Variants in GPRIN1 observed in about 807,000 individuals in gnomAD.
GPRIN1 encodes the protein G protein-regulated inducer of neurite outgrowth 1.
Under a neutral mutation model 2.8 loss-of-function variants are expected in GPRIN1, and 4 were observed. The observed-to-expected ratio is 1.45, with a 90% CI of 0.71 to 3.32. The LOEUF (loss-of-function observed/expected upper bound fraction) is 3.32, where lower values mean the gene tolerates loss of function less well. Among genes scored for constraint, GPRIN1 ranks in the 30% most tolerant of loss-of-function variants. The probability of loss-of-function intolerance (pLI) is 0.01; values close to 1 mark genes in which losing one functional copy is unlikely to be tolerated. For synonymous variants in GPRIN1, 589 were observed against 589.9 expected, an observed-to-expected ratio of 1.00 and a Z score of 0.02; for missense variants, 1,322 against 1,343.4, an observed-to-expected ratio of 0.98 and a Z score of 0.25.
In GPRIN1 at chr5:176,602,130, C is replaced by T. The variant is rs34103857; in HGVS notation, c.-43-2253G>A. 0.29 allele frequency among the ~76,000 whole-genome samples: 44,282 copies of T among 152,086 alleles called. 6,569 individuals are homozygous for T. The highest frequency in any genetic ancestry group is 0.35 in the African/African-American group (14,616 of 41,466). ...GCCACGCGGGGTGCCTCGCTGTGCG[C>T]CTTGCTGTGCCTTGAACACGCCTGC... On this transcript the variant is annotated intron_variant, in intron 1 of 1. Transcript: ENST00000303991. This position sits in a 1 kb window ranked among gnomAD's most constrained non-coding sequence, Gnocchi z 4.4.
Position 176,599,812 on chromosome 5 carries a change from G to T in GPRIN1, c.23C>A (p.Ala8Asp), listed in dbSNP as rs780338746. ...ATCCTTTTGAAGCAGCTGGAGCCAG[G>T]CCGGGTCTTCAGCAGTGTCCATCTG... MDTAEDP[A>D]WLQLLQKDSS... Residue 8 changes from alanine to aspartate, a missense_variant, in exon 2 of 2, where the codon GCC (alanine) becomes GAC (aspartate). This residue lies in a region of GPRIN1 where 1,117 missense variants were observed against 1,128.6 expected (regional missense o/e 0.99). Transcript: ENST00000303991. The T allele has an allele frequency of 2.0e-6, 3 of 1,494,016 alleles. No individual in the cohort carries two copies. The highest frequency in any genetic ancestry group is 1.4e-5 in the South Asian group (1 of 70,498). The allele number at this position is 1,494,016 out of a possible 1,614,324, so 92.5% of individuals were successfully genotyped here.
chr5:176,607,780 C>G (rs1287955360), intron 1 of GPRIN1, among the ~76,000 whole-genome samples: 1 of 150,914 alleles, frequency 6.6e-6, no homozygotes, highest in Non-Finnish European at 1.5e-5. Flanking sequence ...ACAACTGGGG[C>G]ACACAACTTG....
intron 1 of GPRIN1, 37 bp downstream of exon 1, chr5:176,609,962 C>G (rs1759288643): frequency 1.3e-5 from 2 of 151,842 alleles, no homozygotes; most frequent in Non-Finnish European, 3.0e-5. Flanking sequence ...TGCCGCCGCC[C>G]GCCCGGAAAG....
At position 176,596,908 on chromosome 5, in the gene GPRIN1, G is replaced by T. The variant is rs553665572; in HGVS notation, c.2927C>A (p.Pro976Gln). ...GGGCGGACGCTTGGCGGCGCCATCT[G>T]GGGGCGCGGTGCGCACCGAGCCCGA... ...GRSGSVRTAP[P>Q]DGAAKRPPGL... The change falls in exon 2 of 2, where the codon CCA (proline) becomes CAA (glutamine). Residue 976 changes from proline (P) to glutamine (Q), a missense_variant. Around this residue, in one of 3 missense-constraint regions of GPRIN1, gnomAD observed 196 missense variants for 189.2 expected, o/e 1.04. Transcript: ENST00000303991. This position sits in a 1 kb window ranked among gnomAD's most constrained non-coding sequence, Gnocchi z 5.2. The T allele has an allele frequency of 8.1e-6, 10 of 1,233,328 alleles. No homozygotes were observed. In the East Asian group the frequency reaches 2.9e-4, roughly 36 times the overall value. The allele number at this position is 1,233,328 out of a possible 1,614,324, so 76.4% of individuals were successfully genotyped here. A position where few individuals can be genotyped will look rare whatever the true frequency, so the allele number is the denominator to read the frequency against.
At position 176,598,188 on chromosome 5, in the gene GPRIN1, G is replaced by A; in HGVS notation, c.1647C>T (p.Gly549=). 6.2e-7 allele frequency: 1 copy of A among 1,612,164 alleles called. No individual in the cohort carries two copies. Among genetic ancestry groups the A allele is most frequent in the Non-Finnish European group, 8.5e-7 (1 of 1,179,870 alleles). Residue 549 remains glycine, a synonymous_variant, in exon 2 of 2, where the codon GGC becomes GGT. Transcript: ENST00000303991. ...ASGKAEPLAV[G]KEDPVSKGKA... ...TTCCCTTGCTCACAGGGTCCTCCTT[G>A]CCCACCGCGAGGGGCTCGGCCTTCC...
At position 176,602,342 on chromosome 5, in the gene GPRIN1, C is replaced by T. The variant is rs372279011; in HGVS notation, c.-43-2465G>A. On this transcript the variant is annotated intron_variant, in intron 1 of 1. Transcript: ENST00000303991. The surrounding 1 kb of genome is among the most constrained non-coding windows in gnomAD (Gnocchi z 4.4). ...CTCCATAGTACCTGTCACCATCTGA[C>T]ATATCACATATATTCGCTTATTGCT... 1.5e-4 allele frequency among the ~76,000 whole-genome samples: 23 copies of T among 152,312 alleles called. No individual in the cohort carries two copies. Among genetic ancestry groups the T allele is most frequent in the East Asian group, 7.7e-4 (4 of 5,178 alleles).
intron 1 of GPRIN1, among the ~76,000 whole-genome samples, chr5:176,603,923 G>C (rs1759185041): frequency 6.6e-6 from 1 of 152,234 alleles, no homozygotes; most frequent in Non-Finnish European, 1.5e-5. Flanking sequence ...ACAAGAGGGA[G>C]TGGTGGGGAC....
In GPRIN1 at chr5:176,599,603, C is replaced by T. The variant is rs1311214908; in HGVS notation, c.232G>A (p.Gly78Arg). Residue 78 changes from glycine to arginine, a missense_variant, in exon 2 of 2, where the codon GGG becomes AGG. Transcript: ENST00000303991. ...CCGTCAGAGCAGGAGGCCCCTTCCC[C>T]AGCCCCACTGGGGCTTCTGTGTCTA... is the stretch of plus-strand genomic sequence containing the variant. The part of the protein sequence containing the change: ...ESRHRSPSGA[G>R]EGASCSDGPR... 6.5e-7 allele frequency: 1 copy of T among 1,542,696 alleles called. No individual in the cohort carries two copies.
Position 176,597,656 on chromosome 5 carries a change from A to C in GPRIN1, c.2179T>G (p.Leu727Val). Reference sequence around the variant, plus strand: ...GCTGAGCCGAGGGCTTTGCGGTCTAACTGCCTGGAGGAGGAGGACGGCTTG... The same window carrying C: ...GCTGAGCCGAGGGCTTTGCGGTCTACCTGCCTGGAGGAGGAGGACGGCTTG... Reference protein sequence around the residue: ...KTKPSSSSRQLDRKALGSARS... With the variant: ...KTKPSSSSRQVDRKALGSARS... The change falls in exon 2 of 2, where the codon TTA (leucine) becomes GTA (valine). Residue 727 changes from leucine (L) to valine (V), a missense_variant. Transcript: ENST00000303991. This position sits in a 1 kb window ranked among gnomAD's most constrained non-coding sequence, Gnocchi z 6.1. 6.3e-7 allele frequency: 1 copy of C among 1,598,876 alleles called. No homozygotes were observed. Among genetic ancestry groups the C allele is most frequent in the Non-Finnish European group, 8.5e-7 (1 of 1,175,152 alleles).
intron 1 of GPRIN1, among the ~76,000 whole-genome samples, chr5:176,609,746 A>C (rs1295632074): frequency 1.3e-5 from 2 of 151,522 alleles, no homozygotes; most frequent in East Asian, 3.9e-4. Flanking sequence ...GGCCCCTCTG[A>C]TGTTCGGCCC....
Position 176,597,502 on chromosome 5 carries a change from C to G in GPRIN1, c.2333G>C (p.Cys778Ser), listed in dbSNP as rs768818917. The change falls in exon 2 of 2, where the codon TGC becomes TCC. Residue 778 changes from cysteine (C) to serine (S), a missense_variant. Physicochemically the swap from Cys to Ser is moderately radical, Grantham distance 112. This residue lies in a region of GPRIN1 where 1,117 missense variants were observed against 1,128.6 expected (regional missense o/e 0.99). Transcript: ENST00000303991. This position sits in a 1 kb window ranked among gnomAD's most constrained non-coding sequence, Gnocchi z 6.1. The stretch of plus-strand genomic sequence containing the variant: ...CGGCGGGGGCGCTGCGGCCTCTGGG[C>G]AGGGGCTTCTCTCGGCCCCAGCGGC... ...LEAAGAERSPCPEAAAPPPGP... is the reference protein window; with the variant it reads ...LEAAGAERSPSPEAAAPPPGP... 1 of 1,446,196 alleles carries G rather than the reference C, an allele frequency of 6.9e-7. No individual in the cohort carries two copies. The highest frequency in any genetic ancestry group is 9.1e-7 in the Non-Finnish European group (1 of 1,098,516). The allele number at this position is 1,446,196 out of a possible 1,614,324, so 89.6% of individuals were successfully genotyped here.
Position 176,598,679 on chromosome 5 carries a change from G to A in GPRIN1, c.1156C>T (p.Arg386Cys), listed in dbSNP as rs764198142. Residue 386 changes from arginine to cysteine, a missense_variant, in exon 2 of 2, where the codon CGT (arginine) becomes TGT (cysteine). Around this residue, in one of 3 missense-constraint regions of GPRIN1, gnomAD observed 1,117 missense variants for 1,128.6 expected, o/e 0.99. Transcript: ENST00000303991. ...GTATCCGTGTGGCCAGACACAGGAC[G>A]CCCCTCTCCTGAGGAGGCAGGGTCC... ...KMDPASSGEG[R>C]PVSGHTDTTA... The A allele has an allele frequency of 1.9e-6, 3 of 1,614,088 alleles. No homozygotes were observed. Among genetic ancestry groups the A allele is most frequent in the African/African-American group, 1.3e-5 (1 of 75,056 alleles).
chr5:176,596,085 C>G lies in GPRIN1; in HGVS notation c.*723G>C, dbSNP rs566177392. On this transcript the variant is annotated 3_prime_UTR_variant, in exon 2 of 2. Transcript: ENST00000303991. This position sits in a 1 kb window ranked among gnomAD's most constrained non-coding sequence, Gnocchi z 5.2. The stretch of plus-strand genomic sequence containing the variant: ...TCCAGACCTTCCTGAGACCCTCTGG[C>G]CTTTCTGTGACTCTCTCTCAGCTGA... 6.9e-5 allele frequency: 11 copies of G among 158,386 alleles called. No homozygotes were observed. The highest frequency in any genetic ancestry group is 2.4e-4 in the African/African-American group (10 of 41,712). 9.8% of individuals were successfully genotyped at this position (158,386 alleles called of 1,614,324 possible). A position where few individuals can be genotyped will look rare whatever the true frequency, so the allele number is the denominator to read the frequency against.
At chr5:176,603,799 G>A (rs1448859702) in intron 1 of GPRIN1, among the ~76,000 whole-genome samples, 4 of 152,212 alleles carry the variant, frequency 2.6e-5, no homozygotes, top group African/African-American at 9.7e-5. Flanking sequence ...TTTGAGTGGC[G>A]TGAATTGAGT....
At position 176,597,341 on chromosome 5, in the gene GPRIN1, G is replaced by A; in HGVS notation, c.2494C>T (p.Gln832Ter). ...AAGGCCGAGCCCCCAGCGCCGTCCT[G>A]CGGAGACATGGGGCTCACGGCCACT... ...VSVAVSPMSP[Q>*]DGAGGSAFSF... Residue 832 changes from glutamine to a stop codon, truncating the protein, a stop_gained, in exon 2 of 2, where the codon CAG (glutamine) becomes TAG (stop). Transcript: ENST00000303991. LOFTEE classifies it low-confidence loss of function (END_TRUNC). The surrounding 1 kb of genome is among the most constrained non-coding windows in gnomAD (Gnocchi z 6.1). The A allele has an allele frequency of 8.0e-7, 1 of 1,248,578 alleles. No homozygotes were observed. Among genetic ancestry groups the A allele is most frequent in the Non-Finnish European group, 1.0e-6 (1 of 998,868 alleles). 77.3% of individuals were successfully genotyped at this position (1,248,578 alleles called of 1,614,324 possible).
At position 176,598,360 on chromosome 5, in the gene GPRIN1, G is replaced by A. The variant is rs549068229; in HGVS notation, c.1475C>T (p.Ser492Leu). Residue 492 changes from serine to leucine, a missense_variant, in exon 2 of 2, where the codon TCA becomes TTA. Ser to Leu is a moderately radical substitution (Grantham distance 145). Around this residue, in one of 3 missense-constraint regions of GPRIN1, gnomAD observed 1,117 missense variants for 1,128.6 expected, o/e 0.99. Coordinates refer to ENST00000303991, the MANE Select transcript of GPRIN1 (RefSeq NM_052899.3). ...ESSGKTNPVS[S>L]GPGDPRSLGT... ...CAAGGACCTGGGATCGCCTGGACCT[G>A]AAGACACAGGGTTTGTCTTTCCTGA... 2 of 1,613,886 alleles carry A rather than the reference G, an allele frequency of 1.2e-6. No individual in the cohort carries two copies. Among genetic ancestry groups the A allele is most frequent in the South Asian group, 1.1e-5 (1 of 91,074 alleles).
Position 176,595,994 on chromosome 5 carries a change from A to C in GPRIN1, c.*814T>G. ...GAATGAGCTCTCTGTCCTGTCCCCA[A>C]TACCCAAGAACACCGGTCACCCAGG... On this transcript the variant is annotated 3_prime_UTR_variant, in exon 2 of 2. Coordinates refer to ENST00000303991, the MANE Select transcript of GPRIN1 (RefSeq NM_052899.3). The C allele has an allele frequency of 4.7e-6, 1 of 214,318 alleles. No homozygotes were observed. The highest frequency in any genetic ancestry group is 9.2e-6 in the Non-Finnish European group (1 of 109,278). 13.3% of individuals were successfully genotyped at this position (214,318 alleles called of 1,614,324 possible). A position where few individuals can be genotyped will look rare whatever the true frequency, so the allele number is the denominator to read the frequency against.
chr5:176,605,651 A>G (rs1387516734), intron 1 of GPRIN1, among the ~76,000 whole-genome samples: 2 of 151,912 alleles, frequency 1.3e-5, no homozygotes, highest in Non-Finnish European at 2.9e-5. Flanking sequence ...AAAACTTTAA[A>G]TTAAAATTAA....
At position 176,602,572 on chromosome 5, in the gene GPRIN1, G is replaced by A. The variant is rs866008209; in HGVS notation, c.-43-2695C>T. Among the ~76,000 whole-genome samples the A allele has an allele frequency of 6.6e-6, 1 of 152,116 alleles. No individual in the cohort carries two copies. The highest frequency in any genetic ancestry group is 1.5e-5 in the Non-Finnish European group (1 of 68,026). On this transcript the variant is annotated intron_variant, in intron 1 of 1. Coordinates refer to ENST00000303991, the MANE Select transcript of GPRIN1 (RefSeq NM_052899.3). This position sits in a 1 kb window ranked among gnomAD's most constrained non-coding sequence, Gnocchi z 4.4. ...GCTCAAAACCCTCCTCATTCTTGCC[G>A]GAAATGTAAATTAGTTGTAATCTTT...
Sources: gnomAD v4.1 joint callset for allele counts (sites outside exome capture counted in the v4.1 genomes callset) on GRCh38, gnomAD v4.1.1 for gene constraint, gnomAD v4.1.1 regional missense constraint, Gnocchi (gnomAD v3.1) non-coding constraint, MANE v1.5 for transcripts, NCBI Gene and HGNC (gene_info 2026-07-23, HGNC 2026-07-21) for gene names.